The following DDX17 variants were observed in gnomAD, a reference collection of about 807,000 sequenced individuals.
DDX17 encodes the protein probable ATP-dependent RNA helicase DDX17.
Under a neutral mutation model 80.8 loss-of-function variants are expected in DDX17, and 10 were observed. The observed-to-expected ratio is 0.12, with a 90% confidence interval of 0.08 to 0.21. The LOEUF is 0.21. Among genes scored for constraint, DDX17 ranks in the 10% least tolerant of loss-of-function variants. The pLI is 1.00. For missense variants in DDX17, 586 were observed against 957.4 expected, an observed-to-expected ratio of 0.61 and a Z score of 5.12; for synonymous variants, 339 against 336.2, an observed-to-expected ratio of 1.01 and a Z score of -0.09.
intron 5 of DDX17, among the ~76,000 whole-genome samples, chr22:38,496,462 G>A (rs1025571698): frequency 6.6e-6 from 1 of 152,116 alleles, no homozygotes; most frequent in African/African-American, 2.4e-5. Context: ...ATTCTCCTGC[G>A]CCTCAGCCTC....
chr22:38,494,247 A>G, intron 8 of DDX17, 116 bp from the exon 9 acceptor site: 1 of 714,896 alleles, frequency 1.4e-6, no homozygotes, highest in Non-Finnish European at 2.3e-6. Flanking sequence ...CGCTTTTAAA[A>G]TTTTTAATAA....
In DDX17 at chr22:38,506,238, G is replaced by T. The variant is rs753604497; in HGVS notation, c.-1C>A. 6.2e-7 allele frequency: 1 copy of T among 1,601,584 alleles called. No individual in the cohort carries two copies. Among genetic ancestry groups the T allele is most frequent in the African/African-American group, 1.3e-5 (1 of 74,286 alleles). On this transcript the variant is annotated 5_prime_UTR_variant, in exon 1 of 13. Coordinates refer to ENST00000403230, the MANE Select transcript of DDX17 (RefSeq NM_006386.5). ...TCGGGGCTACAAAGCCGGTGGGCAG[G>T]TTTGGCTACGCTCAAACCGGGCAGT...
At chr22:38,493,345 T>G in intron 10 of DDX17, 1 of 164,544 alleles carries the variant, frequency 6.1e-6, no homozygotes, top group Non-Finnish European at 1.3e-5. Context: ...CTTGGCTAAG[T>G]TTTGTTTTGT....
intron 11 of DDX17, chr22:38,490,124 C>A: frequency 6.1e-6 from 7 of 1,151,048 alleles, no homozygotes; most frequent in Non-Finnish European, 7.6e-6. Context: ...TGGATGGGGG[C>A]ACACAGGAGC....
intron 11 of DDX17, chr22:38,490,386 TAG>T: frequency 7.8e-7 from 1 of 1,289,436 alleles, no homozygotes; most frequent in Non-Finnish European, 1.0e-6. Flanking sequence ...CCGGCCAATG[TAG>T]ATTTGTCTCG....
chr22:38,499,284 A>C (rs1177963251), intron 3 of DDX17, 116 bp downstream of exon 3: 1 of 752,282 alleles, frequency 1.3e-6, no homozygotes, highest in Non-Finnish European at 2.3e-6. Context: ...CCATAAAAAC[A>C]ATCTCTTGTC....
intron 2 of DDX17, among the ~76,000 whole-genome samples, 173 bp from the exon 3 acceptor site, chr22:38,499,672 T>C (rs1163229271): frequency 1.3e-5 from 2 of 152,192 alleles, no homozygotes; most frequent in Non-Finnish European, 2.9e-5. Flanking sequence ...CTACTTACTT[T>C]GTAAGTTAAT....
chr22:38,505,773 G>A (rs1399881557), intron 1 of DDX17, 178 bp downstream of exon 1: 2 of 774,004 alleles, frequency 2.6e-6, no homozygotes, highest in Non-Finnish European at 4.0e-6. Context: ...GCCCTCCTCG[G>A]GTCCCGAGTG....
In DDX17 at chr22:38,489,105, G is replaced by T. The variant is rs531723852; in HGVS notation, c.1448-990C>A. On this transcript the variant is annotated intron_variant, in intron 11 of 12. Coordinates refer to ENST00000403230, the MANE Select transcript of DDX17 (RefSeq NM_006386.5). The surrounding 1 kb of genome is among the most constrained non-coding windows in gnomAD (Gnocchi z 4.6). ...CAAACAATTTTAAGAATATAACAAA[G>T]AATCCTACTGTTTTGTGGAAAAAAA... The T allele has an allele frequency of 2.0e-6, 2 of 983,818 alleles. No homozygotes were observed. Among genetic ancestry groups the T allele is most frequent in the South Asian group, 9.4e-5 (2 of 21,240 alleles). The allele number at this position is 983,818 out of a possible 1,614,324, so 60.9% of individuals were successfully genotyped here.
Position 38,506,058 on chromosome 22 carries a change from C to G in DDX17, c.180G>C (p.Gln60His), listed in dbSNP as rs2089879713. Reference sequence around the variant, plus strand: ...CACGGATGGCCGGGCTCGGGAGGGCCTGCGGCTCCGGTCTGGTGACGACCG... The same window carrying G: ...CACGGATGGCCGGGCTCGGGAGGGCGTGCGGCTCCGGTCTGGTGACGACCG... The change falls in exon 1 of 13, where the codon CAG (glutamine) becomes CAC (histidine). Residue 60 changes from glutamine to histidine, a missense_variant. By Grantham distance (24) the Gln-to-His change is conservative (BLOSUM62 0). Around this residue, in one of 4 missense-constraint regions of DDX17, gnomAD observed 215 missense variants for 238.4 expected, o/e 0.90. Coordinates refer to ENST00000403230, the MANE Select transcript of DDX17 (RefSeq NM_006386.5). 1 of 1,585,402 alleles carries G rather than the reference C, an allele frequency of 6.3e-7. No individual in the cohort carries two copies. The highest frequency in any genetic ancestry group is 8.6e-7 in the Non-Finnish European group (1 of 1,166,842).
chr22:38,489,874 T>C lies in DDX17; in HGVS notation c.1448-1759A>G, dbSNP rs2089695941. On this transcript the variant is annotated intron_variant, in intron 11 of 12. Coordinates refer to ENST00000403230, the MANE Select transcript of DDX17 (RefSeq NM_006386.5). The surrounding 1 kb of genome is among the most constrained non-coding windows in gnomAD (Gnocchi z 4.6). ...GGGTGGGGAATTCTACTCCATGGTA[T>C]CTTCAGAGCTAGGATAATGCTCCTT... The C allele has an allele frequency of 2.0e-6, 2 of 985,986 alleles. No homozygotes were observed. The highest frequency in any genetic ancestry group is 2.4e-6 in the Non-Finnish European group (2 of 830,368). 61.1% of individuals were successfully genotyped at this position (985,986 alleles called of 1,614,324 possible).
chr22:38,489,290 T>C lies in DDX17; in HGVS notation c.1448-1175A>G. 1 of 985,818 alleles carries C rather than the reference T, an allele frequency of 1.0e-6. No individual in the cohort carries two copies. Among genetic ancestry groups the C allele is most frequent in the South Asian group, 4.7e-5 (1 of 21,290 alleles). The allele number at this position is 985,818 out of a possible 1,614,324, so 61.1% of individuals were successfully genotyped here. On this transcript the variant is annotated intron_variant, in intron 11 of 12. Coordinates refer to ENST00000403230, the MANE Select transcript of DDX17 (RefSeq NM_006386.5). This position sits in a 1 kb window ranked among gnomAD's most constrained non-coding sequence, Gnocchi z 4.6. The stretch of plus-strand genomic sequence containing the variant: ...GCCGATCCCGTCTCTTTGCCTTTTA[T>C]TTTTGGCGGCCTCCTTTCGAAAACT...
intron 11 of DDX17, chr22:38,488,682 CTCTTA>C (rs889488985): frequency 5.1e-6 from 5 of 987,818 alleles, no homozygotes; most frequent in Non-Finnish European, 6.0e-6. Context: ...ACTTTTTTTG[CTCTTA>C]TCTTTTTAAG....
chr22:38,493,934 A>C (rs1258537590), intron 9 of DDX17, 87 bp downstream of exon 9: 1 of 1,257,152 alleles, frequency 8.0e-7, no homozygotes, highest in East Asian at 2.3e-5. Context: ...GGCATTATTG[A>C]AATATTACAC....
rs2089827015 is a variant in DDX17, at chr22:38,501,163, A to G, written c.405T>C (p.Tyr135=). 6 of 1,613,856 alleles carry G rather than the reference A, an allele frequency of 3.7e-6. No individual in the cohort carries two copies. Among genetic ancestry groups the G allele is most frequent in the Non-Finnish European group, 4.2e-6 (5 of 1,180,006 alleles). ...GCCTTGCTACTTCCGGATGTTCCAC[A>G]TAAAAATTTTTCTCAAACTTGGGGA... is the stretch of plus-strand genomic sequence containing the variant. The change falls in exon 2 of 13, where the codon TAT becomes TAC. Residue 135 remains tyrosine, a synonymous_variant. Transcript: ENST00000403230.
intron 3 of DDX17, 106 bp from the exon 4 acceptor site, chr22:38,498,679 AT>A (rs2089794486): frequency 4.0e-6 from 5 of 1,250,030 alleles, no homozygotes; most frequent in Non-Finnish European, 5.6e-6. Flanking sequence ...ACCCAGCTTC[AT>A]CTCTCCAAAG....
chr22:38,488,685 T>G, intron 11 of DDX17: 1 of 988,112 alleles, frequency 1.0e-6, no homozygotes, highest in South Asian at 4.6e-5. Flanking sequence ...TTTTTTGCTC[T>G]TATCTTTTTA....
rs1308745393 is a variant in DDX17, at chr22:38,505,854, G to C, written c.287+97C>G. ...GTCGCCTCCCCTCGCCTCCCGGGTC[G>C]AGAGCAAGGCTCCCAGGCTCGCAGT... On this transcript the variant is annotated intron_variant, in intron 1 of 12. Transcript: ENST00000403230. 5 of 1,428,250 alleles carry C rather than the reference G, an allele frequency of 3.5e-6. No individual in the cohort carries two copies. The East Asian group carries it at 1.3e-4, about 38-fold the overall frequency. The allele number at this position is 1,428,250 out of a possible 1,614,324, so 88.5% of individuals were successfully genotyped here. A position where few individuals can be genotyped will look rare whatever the true frequency, so the allele number is the denominator to read the frequency against.
chr22:38,506,149 T>G lies in DDX17; in HGVS notation c.89A>C (p.Asp30Ala), dbSNP rs1018009267. 36 of 1,585,216 alleles carry G rather than the reference T, an allele frequency of 2.3e-5. No homozygotes were observed. Among genetic ancestry groups the G allele is most frequent in the Non-Finnish European group, 3.1e-5 (36 of 1,167,372 alleles). Residue 30 changes from aspartate to alanine, a missense_variant, in exon 1 of 13, where the codon GAC becomes GCC. Coordinates refer to ENST00000403230, the MANE Select transcript of DDX17 (RefSeq NM_006386.5). ...AGCGCTCTCTCGCTCCGACGCGCTG[T>G]CTCCCGTCGCAGACGCCACCGTCGC...
Sources: allele counts gnomAD v4.1 joint callset (sites outside exome capture counted in the v4.1 genomes callset), GRCh38; gene constraint gnomAD v4.1.1; regional missense constraint gnomAD v4.1.1; non-coding constraint Gnocchi (gnomAD v3.1); transcripts MANE v1.5; gene names NCBI Gene and HGNC (gene_info 2026-07-23, HGNC 2026-07-21).